Variants in GPC6 observed in about 807,000 individuals in gnomAD.
GPC6 encodes glypican 6.
A neutral mutation model predicts 55.2 loss-of-function variants in GPC6; 14 were observed. That is an observed-to-expected ratio of 0.25 (90% CI 0.17 to 0.40). The LOEUF is 0.40. Ranked by LOEUF, GPC6 falls within the 10% of genes least tolerant of loss-of-function variation. GPC6 has a pLI of 1.00. For missense variants in GPC6, 641 were observed against 708.5 expected, an observed-to-expected ratio of 0.90 and a Z score of 1.08; for synonymous variants, 278 against 259.6, an observed-to-expected ratio of 1.07 and a Z score of -0.68.
intron 1 of GPC6, among the ~76,000 whole-genome samples, chr13:93,524,144 A>T (rs1881556714): frequency 6.6e-6 from 1 of 152,004 alleles, no homozygotes; most frequent in South Asian, 2.1e-4. Context: ...AAACTTAAAG[A>T]CAAAAATACC....
intron 1 of GPC6, chr13:93,395,561 G>C (rs1449823690): frequency 6.0e-6 from 1 of 166,738 alleles, no homozygotes; most frequent in African/African-American, 2.4e-5. Context: ...ATTCTTCACA[G>C]TTAAATGGGC....
intron 2 of GPC6, among the ~76,000 whole-genome samples, chr13:93,824,899 C>T (rs1369446798): frequency 2.6e-5 from 4 of 152,024 alleles, no homozygotes; most frequent in Non-Finnish European, 5.9e-5. Context: ...TTTTAAGGCA[C>T]TATCATGTAA....
intron 3 of GPC6, among the ~76,000 whole-genome samples, chr13:93,837,688 ATTAT>A (rs1887791998): frequency 6.6e-6 from 1 of 152,238 alleles, no homozygotes; most frequent in Non-Finnish European, 1.5e-5. Flanking sequence ...GTATATGAAC[ATTAT>A]TTATGTAATG....
chr13:93,892,771 T>C (rs1050767223), intron 3 of GPC6, among the ~76,000 whole-genome samples: 1 of 152,206 alleles, frequency 6.6e-6, no homozygotes, highest in Non-Finnish European at 1.5e-5. Context: ...TTTCCATTTC[T>C]ATAAATCAGA....
At chr13:93,495,878 C>G (rs902062283) in intron 1 of GPC6, among the ~76,000 whole-genome samples, 1 of 146,666 alleles carries the variant, frequency 6.8e-6, no homozygotes, top group African/African-American at 2.5e-5. Flanking sequence ...GCAGTCTGCC[C>G]GTTCTCAGAT....
intron 2 of GPC6, among the ~76,000 whole-genome samples, chr13:93,708,898 T>C (rs1433077859): frequency 6.6e-6 from 1 of 151,692 alleles, no homozygotes; most frequent in African/African-American, 2.4e-5. Flanking sequence ...CTTGCTAGGT[T>C]TCAGAACACA....
At chr13:93,947,251 G>A (rs1879048932) in intron 3 of GPC6, among the ~76,000 whole-genome samples, 1 of 151,676 alleles carries the variant, frequency 6.6e-6, no homozygotes, top group Admixed American at 6.6e-5. Flanking sequence ...CAGAAGATGT[G>A]TAAAGGCAAG....
At chr13:93,931,241 G>A (rs1227827022) in intron 3 of GPC6, among the ~76,000 whole-genome samples, 2 of 152,022 alleles carry the variant, frequency 1.3e-5, no homozygotes, top group East Asian at 3.9e-4. Context: ...TGCAGTGAAG[G>A]TGGGAGACTG....
At chr13:93,639,823 G>C (rs1005674599) in intron 2 of GPC6, among the ~76,000 whole-genome samples, 1 of 152,042 alleles carries the variant, frequency 6.6e-6, no homozygotes. Flanking sequence ...CTGCAATCTG[G>C]AATGGGAAAA....
At chr13:94,266,343 T>A (rs1343351648) in intron 4 of GPC6, among the ~76,000 whole-genome samples, 1 of 152,122 alleles carries the variant, frequency 6.6e-6, no homozygotes, top group Non-Finnish European at 1.5e-5. Context: ...TAATTTTTTG[T>A]ATTTTTAGTA....
At chr13:93,586,845 A>G (rs1471128843) in intron 2 of GPC6, among the ~76,000 whole-genome samples, 1 of 152,148 alleles carries the variant, frequency 6.6e-6, no homozygotes, top group African/African-American at 2.4e-5. Context: ...ATTCTTACCA[A>G]ATTTACTAGT....
chr13:93,892,376 A>G (rs747380745), intron 3 of GPC6, among the ~76,000 whole-genome samples: 7 of 152,164 alleles, frequency 4.6e-5, no homozygotes, highest in South Asian at 2.1e-4. Flanking sequence ...ATACCCTTTT[A>G]TGACTTTTCT....
intron 4 of GPC6, 60 bp from the exon 5 acceptor site, chr13:94,286,289 A>G (rs942431155): frequency 1.3e-6 from 2 of 1,585,774 alleles, no homozygotes; most frequent in African/African-American, 2.7e-5. Flanking sequence ...ATGTTTAAAC[A>G]CAGGTTGGGA....
At chr13:94,309,315 A>G (rs182135675) in intron 6 of GPC6, among the ~76,000 whole-genome samples, 96 of 152,296 alleles carry the variant, frequency 6.3e-4, no homozygotes, top group Middle Eastern at 3.4e-3. Flanking sequence ...CTGTGGTAAT[A>G]ACTTTGGGCC....
chr13:93,407,265 T>G (rs1197742635), intron 1 of GPC6, among the ~76,000 whole-genome samples: 3 of 151,772 alleles, frequency 2.0e-5, no homozygotes, highest in Admixed American at 2.0e-4. Context: ...ATTTTTTATT[T>G]AGAGAGAGAG....
At chr13:93,330,677 T>G (rs1428872968) in intron 1 of GPC6, among the ~76,000 whole-genome samples, 1 of 152,202 alleles carries the variant, frequency 6.6e-6, no homozygotes, top group Non-Finnish European at 1.5e-5. Context: ...AGCTCCTTTC[T>G]TCCCAACAGT....
At chr13:94,346,027 C>T (rs894917837) in intron 6 of GPC6, among the ~76,000 whole-genome samples, 1 of 152,130 alleles carries the variant, frequency 6.6e-6, no homozygotes, top group Non-Finnish European at 1.5e-5. Flanking sequence ...CCTTGGCTTG[C>T]AGCTGTAGCA....
At chr13:94,365,543 A>AAGAC (rs975639581) in intron 6 of GPC6, among the ~76,000 whole-genome samples, 43 of 152,330 alleles carry the variant, frequency 2.8e-4, no homozygotes, top group African/African-American at 9.9e-4. Flanking sequence ...ATATGCCCAA[A>AAGAC]AGACATTTAT....
intron 6 of GPC6, among the ~76,000 whole-genome samples, chr13:94,343,393 G>A (rs1594189295): frequency 6.6e-6 from 1 of 152,076 alleles, no homozygotes; most frequent in African/African-American, 2.4e-5. Flanking sequence ...TCATTTCATG[G>A]GGCTGATCCC....
Sources: allele counts gnomAD v4.1 joint callset (sites outside exome capture counted in the v4.1 genomes callset), GRCh38; gene constraint gnomAD v4.1.1; transcripts MANE v1.5; gene names NCBI Gene and HGNC (gene_info 2026-07-23, HGNC 2026-07-21).